NRXN3: variants seen among roughly 807,000 people sequenced by gnomAD.
NRXN3 encodes neurexin 3, also known as neurexin III.
A neutral mutation model predicts 137.6 loss-of-function variants in NRXN3; 32 were observed. That is an observed-to-expected ratio of 0.23 (90% CI 0.18 to 0.31). The LOEUF (loss-of-function observed/expected upper bound fraction) is 0.31, where lower values mean the gene tolerates loss of function less well. NRXN3 is among the 10% of genes least tolerant of loss of function. The pLI, the probability that NRXN3 is intolerant of heterozygous loss-of-function variation, is 1.00. For synonymous variants in NRXN3, 798 were observed against 784.5 expected, an observed-to-expected ratio of 1.02 and a Z score of -0.29; for missense variants, 1,574 against 2,062.5, an observed-to-expected ratio of 0.76 and a Z score of 4.59.
At chr14:78,325,886 A>AT (rs1343327989) in intron 4 of NRXN3, among the ~76,000 whole-genome samples, 1 of 152,140 alleles carries the variant, frequency 6.6e-6, no homozygotes, top group East Asian at 1.9e-4. Flanking sequence ...TCAAGTTGTC[A>AT]TTTTTGAGGG....
At chr14:78,259,670 A>T (rs996125038) in intron 2 of NRXN3, among the ~76,000 whole-genome samples, 6 of 152,076 alleles carry the variant, frequency 3.9e-5, no homozygotes, top group African/African-American at 1.4e-4. Flanking sequence ...AAGACAGCAA[A>T]ATAATTTAAG....
intron 4 of NRXN3, among the ~76,000 whole-genome samples, chr14:78,524,920 G>T (rs1280269132): frequency 2.0e-5 from 3 of 152,194 alleles, no homozygotes; most frequent in Non-Finnish European, 4.4e-5. Context: ...AAGAGGAAAT[G>T]ATGATTCCAA....
intron 10 of NRXN3, among the ~76,000 whole-genome samples, chr14:78,831,693 T>C (rs552130800): frequency 1.3e-5 from 2 of 152,250 alleles, no homozygotes; most frequent in East Asian, 3.9e-4. Context: ...CCAATTCACT[T>C]TGTCTTTTGC....
At chr14:78,487,903 A>G (rs2095593726) in intron 4 of NRXN3, among the ~76,000 whole-genome samples, 1 of 152,278 alleles carries the variant, frequency 6.6e-6, no homozygotes, top group East Asian at 1.9e-4. Context: ...TATTTACTTC[A>G]TAAATGCCCT....
chr14:79,757,859 C>A (rs904761558), intron 19 of NRXN3, among the ~76,000 whole-genome samples: 1 of 152,118 alleles, frequency 6.6e-6, no homozygotes, highest in East Asian at 1.9e-4. Context: ...ATCCGAGAGA[C>A]CATCCTATCA....
chr14:79,651,567 A>G (rs1296428179), intron 16 of NRXN3, among the ~76,000 whole-genome samples: 1 of 152,198 alleles, frequency 6.6e-6, no homozygotes, highest in Non-Finnish European at 1.5e-5. Flanking sequence ...CATTAAAAAA[A>G]CATTGAAATG....
Position 79,782,533 on chromosome 14 carries a change from T to C in NRXN3, c.4015-22579T>C, listed in dbSNP as rs183576651. Among the ~76,000 whole-genome samples the C allele has an allele frequency of 7.9e-5, 12 of 152,308 alleles. No individual in the cohort carries two copies. The East Asian group carries it at 2.1e-3, about 27-fold the overall frequency. On this transcript the variant is annotated intron_variant, in intron 19 of 20. Transcript: ENST00000335750. ...CCCATTGGATGGGGCTAGTATATGG[T>C]TGATGGATGGTATTTGTTTCATTTA...
chr14:78,839,398 G>T (rs1008493415), intron 10 of NRXN3, among the ~76,000 whole-genome samples: 3 of 152,164 alleles, frequency 2.0e-5, no homozygotes, highest in Admixed American at 6.5e-5. Context: ...TAAGGATTTT[G>T]CTTTTTTATC....
intron 15 of NRXN3, among the ~76,000 whole-genome samples, chr14:79,105,590 T>G (rs1296426362): frequency 1.3e-5 from 2 of 152,112 alleles, no homozygotes; most frequent in Non-Finnish European, 2.9e-5. Flanking sequence ...CCCAAGCATT[T>G]CCCCATGTTT....
At chr14:79,194,034 C>T (rs182019262) in intron 15 of NRXN3, among the ~76,000 whole-genome samples, 1 of 152,186 alleles carries the variant, frequency 6.6e-6, no homozygotes, top group African/African-American at 2.4e-5. Flanking sequence ...AACACTTAGA[C>T]TATAACAACA....
chr14:78,462,454 C>G (rs557456970), intron 4 of NRXN3, among the ~76,000 whole-genome samples: 8 of 152,082 alleles, frequency 5.3e-5, no homozygotes, highest in Non-Finnish European at 7.4e-5. Flanking sequence ...TATGAGACAC[C>G]AGGAGTAATT....
At chr14:79,464,498 A>G (rs1439136771) in intron 15 of NRXN3, among the ~76,000 whole-genome samples, 1 of 152,136 alleles carries the variant, frequency 6.6e-6, no homozygotes, top group African/African-American at 2.4e-5. Flanking sequence ...TCTCCTTTGT[A>G]TTGGAGCACT....
intron 15 of NRXN3, among the ~76,000 whole-genome samples, chr14:79,125,490 G>C (rs746657539): frequency 3.3e-5 from 5 of 152,132 alleles, no homozygotes; most frequent in Non-Finnish European, 7.4e-5. Flanking sequence ...AACAACTTTT[G>C]CAGGAAGCAT....
intron 15 of NRXN3, among the ~76,000 whole-genome samples, chr14:79,014,396 A>G (rs1358894521): frequency 2.6e-5 from 4 of 152,184 alleles, no homozygotes; most frequent in South Asian, 4.1e-4. Context: ...ACTTAGCATA[A>G]TAGCCTCTAA....
At chr14:78,540,773 GT>G (rs1191681561) in intron 4 of NRXN3, among the ~76,000 whole-genome samples, 2 of 152,162 alleles carry the variant, frequency 1.3e-5, no homozygotes, top group African/African-American at 4.8e-5. Flanking sequence ...CTCTTTCCAT[GT>G]TTAGTGCTTC....
chr14:79,502,518 C>A (rs932350964), intron 16 of NRXN3, among the ~76,000 whole-genome samples: 1 of 151,768 alleles, frequency 6.6e-6, no homozygotes, highest in Admixed American at 6.6e-5. Flanking sequence ...TCGCCACACC[C>A]CCCACCCCAC....
chr14:79,763,415 G>GTATATTTAATCATTCTATAAT (rs1235454723), intron 19 of NRXN3, among the ~76,000 whole-genome samples: 2 of 67,120 alleles, frequency 3.0e-5, no homozygotes, highest in African/African-American at 9.0e-5. Context: ...AATCCTTTGG[G>GTATATTTAATCATTCTATAAT]TATACACCCA....
At chr14:78,372,278 TTTTTC>T (rs1286528663) in intron 4 of NRXN3, among the ~76,000 whole-genome samples, 2 of 145,244 alleles carry the variant, frequency 1.4e-5, no homozygotes, top group African/African-American at 4.9e-5. Flanking sequence ...ACTTCTCTCT[TTTTTC>T]TTTTCTTTTC....
intron 8 of NRXN3, among the ~76,000 whole-genome samples, chr14:78,747,921 T>C (rs2098619356): frequency 6.6e-6 from 1 of 152,212 alleles, no homozygotes; most frequent in Non-Finnish European, 1.5e-5. Context: ...CATTTTGTAG[T>C]CATTCACTCA....
Sources: allele counts gnomAD v4.1 joint callset (sites outside exome capture counted in the v4.1 genomes callset), GRCh38; gene constraint gnomAD v4.1.1; transcripts MANE v1.5; gene names NCBI Gene and HGNC (gene_info 2026-07-23, HGNC 2026-07-21).